Variants in MAP4K4 observed in about 807,000 individuals in gnomAD.
The protein encoded by MAP4K4 is HPK/GCK-like kinase HGK.
A neutral mutation model predicts 189.6 loss-of-function variants in MAP4K4; 38 were observed. That is an observed-to-expected ratio of 0.20 (90% CI 0.15 to 0.26). MAP4K4 has a LOEUF of 0.26. Ranked by LOEUF, MAP4K4 falls within the 10% of genes least tolerant of loss-of-function variation. The pLI is 1.00. For synonymous variants in MAP4K4, 610 were observed against 624.3 expected, an observed-to-expected ratio of 0.98 and a Z score of 0.34; for missense variants, 1,054 against 1,726.9, an observed-to-expected ratio of 0.61 and a Z score of 6.91.
chr2:101,821,731 A>G (rs2096067914), intron 3 of MAP4K4, among the ~76,000 whole-genome samples: 1 of 152,190 alleles, frequency 6.6e-6, no homozygotes, highest in Non-Finnish European at 1.5e-5. Flanking sequence ...CTTAGGATAC[A>G]CTAAATTTGT....
At chr2:101,715,541 G>C (rs562693269) in intron 2 of MAP4K4, among the ~76,000 whole-genome samples, 3 of 152,074 alleles carry the variant, frequency 2.0e-5, no homozygotes, top group Admixed American at 1.3e-4. Context: ...GATTTTTTTG[G>C]ATTTTGGAAT....
chr2:101,781,250 C>G (rs2087225793), intron 2 of MAP4K4, among the ~76,000 whole-genome samples: 1 of 152,204 alleles, frequency 6.6e-6, no homozygotes, highest in Non-Finnish European at 1.5e-5. Context: ...GCTGTTACCA[C>G]CCTTGGAAGG....
chr2:101,877,886 A>G (rs1488418016), intron 27 of MAP4K4, among the ~76,000 whole-genome samples: 2 of 152,118 alleles, frequency 1.3e-5, no homozygotes, highest in Non-Finnish European at 2.9e-5. Context: ...AGTAGCTGGG[A>G]CTACAGGCAC....
chr2:101,821,806 G>A (rs1238860801), intron 3 of MAP4K4, among the ~76,000 whole-genome samples: 1 of 152,126 alleles, frequency 6.6e-6, no homozygotes, highest in Non-Finnish European at 1.5e-5. Flanking sequence ...AAACTTTTAG[G>A]TTCTTTTGTA....
chr2:101,707,428 C>T (rs988052135), intron 2 of MAP4K4, among the ~76,000 whole-genome samples: 5 of 151,974 alleles, frequency 3.3e-5, no homozygotes, highest in South Asian at 2.1e-4. Context: ...AGGCTGTTAT[C>T]GAACTCCTGA....
chr2:101,803,283 TTG>T (rs1491181067), intron 3 of MAP4K4, among the ~76,000 whole-genome samples: 2 of 129,864 alleles, frequency 1.5e-5, no homozygotes, highest in South Asian at 2.3e-4. Flanking sequence ...GTGTGTGTGT[TTG>T]TGTGTGTGTC....
At chr2:101,868,929 A>G (rs376236316) in intron 21 of MAP4K4, among the ~76,000 whole-genome samples, 1 of 152,302 alleles carries the variant, frequency 6.6e-6, no homozygotes, top group East Asian at 1.9e-4. Flanking sequence ...ACACATGTCT[A>G]TATGACAAAG....
intron 2 of MAP4K4, among the ~76,000 whole-genome samples, chr2:101,760,835 C>A (rs2076058877): frequency 6.6e-6 from 1 of 152,092 alleles, no homozygotes; most frequent in Non-Finnish European, 1.5e-5. Flanking sequence ...GAAGCCCCAT[C>A]TCTACTAAAA....
Position 101,703,402 on chromosome 2 carries a change from G to A in MAP4K4, c.123+4864G>A, listed in dbSNP as rs141604248. Among the ~76,000 whole-genome samples the A allele has an allele frequency of 6.6e-5, 10 of 152,096 alleles. No individual in the cohort carries two copies. The East Asian group carries it at 1.6e-3, about 24-fold the overall frequency. The stretch of plus-strand genomic sequence containing the variant: ...GGAGGCTGAGACGGGCGGATCACCT[G>A]AGGTCAGGAGTTGGAGACCAGCCTA... On this transcript the variant is annotated intron_variant, in intron 2 of 32. Transcript: ENST00000324219.
At chr2:101,781,351 C>G (rs2087318292) in intron 2 of MAP4K4, among the ~76,000 whole-genome samples, 1 of 152,124 alleles carries the variant, frequency 6.6e-6, no homozygotes, top group South Asian at 2.1e-4. Context: ...GCCAGATCTT[C>G]CCTCCCCCTT....
intron 2 of MAP4K4, among the ~76,000 whole-genome samples, chr2:101,782,313 C>A (rs1400711987): frequency 6.6e-6 from 1 of 152,164 alleles, no homozygotes; most frequent in East Asian, 1.9e-4. Flanking sequence ...TAGAAGTCTA[C>A]ACATTGCCTG....
At chr2:101,877,096 T>A in exon 27 of MAP4K4, 1 of 1,614,010 alleles carries the variant, frequency 6.2e-7, no homozygotes, top group Non-Finnish European at 8.5e-7. Flanking sequence ...CGAAGACGAT[T>A]TCAACAAATG....
chr2:101,759,830 T>C (rs1173881915), intron 2 of MAP4K4, among the ~76,000 whole-genome samples: 2 of 136,158 alleles, frequency 1.5e-5, no homozygotes, highest in East Asian at 4.9e-4. Context: ...CCCCTTCCCT[T>C]CCCTTTTCCC....
At position 101,698,140 on chromosome 2, in the gene MAP4K4, G is replaced by T; in HGVS notation, c.57+3G>T. 8.2e-7 allele frequency: 1 copy of T among 1,222,784 alleles called. No individual in the cohort carries two copies. The highest frequency in any genetic ancestry group is 1.1e-6 in the Non-Finnish European group (1 of 944,308). The allele number at this position is 1,222,784 out of a possible 1,614,324, so 75.7% of individuals were successfully genotyped here. Reference sequence around the variant, plus strand: ...ACATCGACCTCTCCTCCCTGCGGGTGAGTGGGCCCGCGAGCGGGCGCGCGG... The same window carrying T: ...ACATCGACCTCTCCTCCCTGCGGGTTAGTGGGCCCGCGAGCGGGCGCGCGG... On this transcript the variant is annotated splice_donor_region_variant and intron_variant, in intron 1 of 32. Transcript: ENST00000324219.
At chr2:101,847,361 C>G (rs144312021) in intron 12 of MAP4K4, among the ~76,000 whole-genome samples, 371 of 152,270 alleles carry the variant, frequency 2.4e-3, no homozygotes, top group African/African-American at 8.6e-3. Flanking sequence ...TGCAAAAGAG[C>G]CTTAGGCAGG....
chr2:101,795,253 A>T (rs542157385), intron 3 of MAP4K4, among the ~76,000 whole-genome samples: 1 of 152,206 alleles, frequency 6.6e-6, no homozygotes, highest in Non-Finnish European at 1.5e-5. Context: ...CAACCTTTCA[A>T]CTAATGGCTT....
At chr2:101,724,390 G>C (rs972501079) in intron 2 of MAP4K4, among the ~76,000 whole-genome samples, 1 of 152,156 alleles carries the variant, frequency 6.6e-6, no homozygotes, top group South Asian at 2.1e-4. Flanking sequence ...TTGGGCCTCA[G>C]GTTCCTTTTA....
chr2:101,788,364 C>T (rs989812900), intron 2 of MAP4K4, among the ~76,000 whole-genome samples: 11 of 152,250 alleles, frequency 7.2e-5, no homozygotes, highest in South Asian at 2.1e-4. Flanking sequence ...TACCACCTGC[C>T]GGACTCTAGA....
At chr2:101,878,967 G>T (rs2098293658) in intron 27 of MAP4K4, among the ~76,000 whole-genome samples, 1 of 152,100 alleles carries the variant, frequency 6.6e-6, no homozygotes, top group African/African-American at 2.4e-5. Flanking sequence ...ATGGATGGTA[G>T]TTTTTTAAGT....
Sources: allele counts gnomAD v4.1 joint callset (sites outside exome capture counted in the v4.1 genomes callset), GRCh38; gene constraint gnomAD v4.1.1; transcripts MANE v1.5; gene names NCBI Gene and HGNC (gene_info 2026-07-23, HGNC 2026-07-21).